Variants in CHCHD6 observed in about 807,000 individuals in gnomAD.
CHCHD6 encodes the protein coiled-coil-helix-coiled-coil-helix domain containing 6.
Under a neutral mutation model 32.3 loss-of-function variants are expected in CHCHD6, and 28 were observed. The observed-to-expected ratio is 0.87, with a 90% confidence interval of 0.64 to 1.19. The LOEUF is 1.19. Among genes scored for constraint, CHCHD6 ranks in the 50% most tolerant of loss-of-function variants. CHCHD6 has a pLI of 0.00. For missense variants in CHCHD6, 333 were observed against 307.0 expected (o/e 1.08, Z -0.63); for synonymous variants, 122 against 117.5 (o/e 1.04, Z -0.25).
At chr3:126,804,208 A>G (rs917470438) in intron 4 of CHCHD6, among the ~76,000 whole-genome samples, 1 of 152,230 alleles carries the variant, frequency 6.6e-6, no homozygotes, top group Non-Finnish European at 1.5e-5. Flanking sequence ...AGAAATAACT[A>G]AAATGAGAGC....
rs73203609 is a variant in CHCHD6 at position 126,827,053 on chromosome 3, G to A, written c.412-25594G>A. On this transcript the variant is annotated intron_variant, in intron 4 of 7. Coordinates refer to ENST00000290913, the MANE Select transcript of CHCHD6 (RefSeq NM_032343.3). Reference sequence around the variant, plus strand: ...GAACCAAGTAGGAGGAAGCTATGGTGTGCCAGGAGGTGAGAGCAAGAATTT... The same window carrying A: ...GAACCAAGTAGGAGGAAGCTATGGTATGCCAGGAGGTGAGAGCAAGAATTT... Among the ~76,000 whole-genome samples, 457 of 152,324 alleles carry A rather than the reference G, an allele frequency of 3.0e-3. 1 individual carries two copies. The highest frequency in any genetic ancestry group is 4.2e-3 in the Non-Finnish European group (283 of 68,016).
intron 4 of CHCHD6, chr3:126,766,501 CTT>C (rs1937375487): frequency 1.3e-6 from 1 of 762,164 alleles, no homozygotes; most frequent in Non-Finnish European, 2.4e-6. Context: ...ACTTTTGTCT[CTT>C]GGTGTCACCA....
chr3:126,768,555 G>C lies in CHCHD6; in HGVS notation c.411+35333G>C, dbSNP rs567915293. Among the ~76,000 whole-genome samples the C allele has an allele frequency of 2.9e-3, 446 of 152,290 alleles. 3 individuals are homozygous for C. Among genetic ancestry groups the C allele is most frequent in the Non-Finnish European group, 5.1e-3 (350 of 68,032 alleles). On this transcript the variant is annotated intron_variant, in intron 4 of 7. Coordinates refer to ENST00000290913, the MANE Select transcript of CHCHD6 (RefSeq NM_032343.3). ...TATGCATGTGTGTGTCTTTATGGCA[G>C]AACAATTTATATTCCTTTGGGTATA...
chr3:126,781,448 A>G (rs1937937516), intron 4 of CHCHD6, among the ~76,000 whole-genome samples: 2 of 152,312 alleles, frequency 1.3e-5, no homozygotes, highest in South Asian at 2.1e-4. Context: ...TTTTTTCTTT[A>G]AGGGATTTTC....
At chr3:126,957,321 A>T in intron 6 of CHCHD6, 95 bp from the exon 7 acceptor site, 3 of 1,419,426 alleles carry the variant, frequency 2.1e-6, no homozygotes, top group Non-Finnish European at 2.9e-6. Context: ...GACTTAGCCT[A>T]GCGCCTGGGA....
chr3:126,939,363 C>T (rs1345841409), intron 6 of CHCHD6, among the ~76,000 whole-genome samples: 1 of 152,222 alleles, frequency 6.6e-6, no homozygotes, highest in Non-Finnish European at 1.5e-5. Context: ...TGTTAAGCCA[C>T]AACTTTCTCA....
intron 4 of CHCHD6, among the ~76,000 whole-genome samples, chr3:126,786,534 A>G (rs1938221902): frequency 1.3e-5 from 2 of 152,062 alleles, no homozygotes; most frequent in Admixed American, 6.5e-5. Flanking sequence ...CTGGTATGAG[A>G]TGGTATCTCA....
At chr3:126,715,583 G>A (rs1274407485) in intron 1 of CHCHD6, among the ~76,000 whole-genome samples, 1 of 152,112 alleles carries the variant, frequency 6.6e-6, no homozygotes, top group Non-Finnish European at 1.5e-5. Context: ...GCCTCTTGTA[G>A]CTTCCTGTGC....
intron 5 of CHCHD6, among the ~76,000 whole-genome samples, chr3:126,903,308 T>G (rs2077957759): frequency 6.6e-6 from 1 of 152,224 alleles, no homozygotes; most frequent in African/African-American, 2.4e-5. Flanking sequence ...GCCTTCAGTC[T>G]GAGCAGCCGC....
At chr3:126,849,711 C>T (rs139277350) in intron 4 of CHCHD6, among the ~76,000 whole-genome samples, 1 of 152,332 alleles carries the variant, frequency 6.6e-6, no homozygotes, top group East Asian at 1.9e-4. Flanking sequence ...CCCAGCACAT[C>T]TCTCTGTAAT....
chr3:126,957,407 C>T lies in CHCHD6; in HGVS notation c.567-9C>T, dbSNP rs376062365. 11 of 1,609,144 alleles carry T rather than the reference C, an allele frequency of 6.8e-6. No homozygotes were observed. Among genetic ancestry groups the T allele is most frequent in the South Asian group, 2.2e-5 (2 of 89,962 alleles). Reference sequence around the variant, plus strand: ...GAGCCCCAGGCCTGCCTGCTCTTGTCTTCTGCAGGCCCCGCAGGGTGGAGC... The same window carrying T: ...GAGCCCCAGGCCTGCCTGCTCTTGTTTTCTGCAGGCCCCGCAGGGTGGAGC... On this transcript the variant is annotated splice_polypyrimidine_tract_variant and intron_variant, in intron 6 of 7. Coordinates refer to ENST00000290913, the MANE Select transcript of CHCHD6 (RefSeq NM_032343.3).
At chr3:126,856,661 C>T (rs1200662159) in intron 5 of CHCHD6, among the ~76,000 whole-genome samples, 1 of 152,202 alleles carries the variant, frequency 6.6e-6, no homozygotes, top group Non-Finnish European at 1.5e-5. Flanking sequence ...ACTTGTGCCT[C>T]TTCAGAACCC....
intron 6 of CHCHD6, among the ~76,000 whole-genome samples, chr3:126,927,984 C>T (rs935635937): frequency 2.0e-4 from 31 of 152,236 alleles, no homozygotes; most frequent in African/African-American, 7.2e-4. Context: ...CAAGATGCCC[C>T]ATGTGGTGTG....
intron 5 of CHCHD6, among the ~76,000 whole-genome samples, chr3:126,901,080 A>T (rs927076316): frequency 5.3e-5 from 8 of 152,160 alleles, no homozygotes; most frequent in Admixed American, 2.0e-4. Context: ...GATCCAAACC[A>T]TATCACCAGC....
intron 4 of CHCHD6, among the ~76,000 whole-genome samples, chr3:126,783,939 T>A (rs1938074642): frequency 6.6e-6 from 1 of 152,110 alleles, no homozygotes. Flanking sequence ...AATTCAATAC[T>A]TTTGGGGGAG....
Position 126,916,888 on chromosome 3 carries a change from A to G in CHCHD6, c.566+2138A>G, listed in dbSNP as rs62263290. ...ACCCGAGCAGCTTCTTCCAAGGCCA[A>G]TGGCCCCTCCCTTTCTACCTGGAGC... is the stretch of plus-strand genomic sequence containing the variant. On this transcript the variant is annotated intron_variant, in intron 6 of 7. Coordinates refer to ENST00000290913, the MANE Select transcript of CHCHD6 (RefSeq NM_032343.3). Among the ~76,000 whole-genome samples the G allele has an allele frequency of 2.5e-3, 378 of 152,338 alleles. 2 individuals carry two copies. Among genetic ancestry groups the G allele is most frequent in the Admixed American group, 5.9e-3 (91 of 15,308 alleles).
At chr3:126,795,136 G>A (rs535969989) in intron 4 of CHCHD6, among the ~76,000 whole-genome samples, 1 of 152,278 alleles carries the variant, frequency 6.6e-6, no homozygotes, top group East Asian at 1.9e-4. Context: ...TTGTTGCTGG[G>A]GCTGGCCATC....
At chr3:126,824,542 T>G (rs1330090297) in intron 4 of CHCHD6, among the ~76,000 whole-genome samples, 1 of 81,296 alleles carries the variant, frequency 1.2e-5, no homozygotes, top group East Asian at 4.6e-4. Flanking sequence ...GCCTAGGTGA[T>G]AGAGCAAGAC....
chr3:126,808,824 A>G (rs1351637397), intron 4 of CHCHD6, among the ~76,000 whole-genome samples: 4 of 152,146 alleles, frequency 2.6e-5, no homozygotes, highest in Admixed American at 2.6e-4. Flanking sequence ...GTCCTGGTGG[A>G]GAAGGACTTT....
Sources: allele counts gnomAD v4.1 joint callset (sites outside exome capture counted in the v4.1 genomes callset), GRCh38; gene constraint gnomAD v4.1.1; transcripts MANE v1.5; gene names NCBI Gene and HGNC (gene_info 2026-07-23, HGNC 2026-07-21).